Variants in EXOSC7 observed in about 807,000 individuals in gnomAD.
EXOSC7 encodes exosome complex component RRP42.
A neutral mutation model predicts 34.3 loss-of-function variants in EXOSC7; 25 were observed. That is an observed-to-expected ratio of 0.73 (90% CI 0.53 to 1.02). The LOEUF (loss-of-function observed/expected upper bound fraction) is 1.02, where lower values mean the gene tolerates loss of function less well. Ranked by LOEUF, EXOSC7 falls within the 50% of genes least tolerant of loss-of-function variation. The probability of loss-of-function intolerance (pLI) is 0.00; values close to 1 mark genes in which losing one functional copy is unlikely to be tolerated. For missense variants in EXOSC7, 370 were observed against 368.5 expected (o/e 1.00, Z -0.03); for synonymous variants, 130 against 143.0 (o/e 0.91, Z 0.65).
At chr3:44,981,416 G>A (rs1447902366) in intron 1 of EXOSC7, among the ~76,000 whole-genome samples, 1 of 152,174 alleles carries the variant, frequency 6.6e-6, no homozygotes, top group Non-Finnish European at 1.5e-5. Flanking sequence ...GATGAGATAA[G>A]AGATGTCAAG....
chr3:44,982,330 T>G (rs1706295038), intron 1 of EXOSC7, among the ~76,000 whole-genome samples: 1 of 152,190 alleles, frequency 6.6e-6, no homozygotes, highest in African/African-American at 2.4e-5. Flanking sequence ...TCCTGGCTGT[T>G]GGGGATGGAT....
rs150527285 is a variant in EXOSC7, at chr3:45,002,435, A to G, written c.491+827A>G. ...TAGAATAAACATTACACTGCTTTGT[A>G]ATGGTAAGAAACTGGAAACAACCTG... On this transcript the variant is annotated intron_variant, in intron 5 of 7. Transcript: ENST00000265564. 5.9e-3 allele frequency among the ~76,000 whole-genome samples: 892 copies of G among 152,258 alleles called. 11 individuals are homozygous for G. The highest frequency in any genetic ancestry group is 0.02 in the African/African-American group (849 of 41,550).
At chr3:44,983,331 G>C (rs1706323144) in intron 1 of EXOSC7, among the ~76,000 whole-genome samples, 1 of 152,106 alleles carries the variant, frequency 6.6e-6, no homozygotes. Context: ...AACTGCTTTG[G>C]GGGGACTCCT....
At chr3:45,010,556 G>GT (rs907252988) in intron 7 of EXOSC7, among the ~76,000 whole-genome samples, 3 of 152,096 alleles carry the variant, frequency 2.0e-5, no homozygotes, top group Non-Finnish European at 2.9e-5. Context: ...GCCATATTGA[G>GT]TTTTTTTGTT....
intron 4 of EXOSC7, 94 bp from the exon 5 acceptor site, chr3:45,001,444 A>C: frequency 1.2e-6 from 1 of 835,408 alleles, no homozygotes; most frequent in Non-Finnish European, 1.9e-6. Context: ...CTCTGTCTCA[A>C]AAAAAAAAAA....
intron 7 of EXOSC7, 143 bp from the exon 8 acceptor site, chr3:45,011,092 G>T: frequency 1.6e-5 from 7 of 426,264 alleles, no homozygotes; most frequent in Non-Finnish European, 2.1e-5. Flanking sequence ...GTTTTAATTT[G>T]CTTTAATTAA....
chr3:44,989,516 T>C (rs978041578), intron 2 of EXOSC7, 34 bp from the exon 3 acceptor site: 2 of 1,544,452 alleles, frequency 1.3e-6, no homozygotes, highest in African/African-American at 2.7e-5. Context: ...GGCTGCATAC[T>C]CTGAGTGAGG....
chr3:44,992,220 T>C (rs1576011255), intron 3 of EXOSC7, among the ~76,000 whole-genome samples: 1 of 152,322 alleles, frequency 6.6e-6, no homozygotes, highest in African/African-American at 2.4e-5. Context: ...CATTTGCCTA[T>C]CCACAGGCTG....
intron 1 of EXOSC7, among the ~76,000 whole-genome samples, chr3:44,984,069 T>G (rs1706344514): frequency 6.6e-6 from 1 of 152,238 alleles, no homozygotes. Context: ...GGAAAAGCAG[T>G]ATCTGATGAG....
chr3:45,001,735 T>C (rs1706887501), intron 5 of EXOSC7, 127 bp downstream of exon 5: 1 of 702,914 alleles, frequency 1.4e-6, no homozygotes, highest in Non-Finnish European at 2.5e-6. Context: ...ACATTGAAAA[T>C]GGTGACATCT....
intron 1 of EXOSC7, among the ~76,000 whole-genome samples, chr3:44,978,242 T>C (rs986593408): frequency 6.6e-6 from 1 of 152,232 alleles, no homozygotes; most frequent in African/African-American, 2.4e-5. Flanking sequence ...GAGGATTGCT[T>C]GAGCCTAGGA....
chr3:45,005,459 G>A (rs771353154), intron 6 of EXOSC7, 45 bp downstream of exon 6: 14 of 1,600,758 alleles, frequency 8.7e-6, no homozygotes, highest in Non-Finnish European at 1.1e-5. Context: ...GTGGGTGTGG[G>A]TCTCCTCTAA....
At chr3:44,985,740 A>G (rs892566199) in intron 1 of EXOSC7, among the ~76,000 whole-genome samples, 3 of 152,198 alleles carry the variant, frequency 2.0e-5, no homozygotes, top group Non-Finnish European at 4.4e-5. Flanking sequence ...GCGGGTTGCC[A>G]CTGCTGGCTC....
chr3:45,001,648 AC>A, intron 5 of EXOSC7, 40 bp downstream of exon 5: 1 of 1,384,072 alleles, frequency 7.2e-7, no homozygotes, highest in Non-Finnish European at 1.0e-6. Context: ...CCTGTGGAGA[AC>A]CAGAGCAGAC....
intron 4 of EXOSC7, among the ~76,000 whole-genome samples, chr3:44,997,949 A>G (rs1261309251): frequency 6.6e-6 from 1 of 151,648 alleles, no homozygotes; most frequent in Non-Finnish European, 1.5e-5. Context: ...CTTCCCTTGT[A>G]CTTTGCCTCC....
chr3:44,989,325 G>C, intron 2 of EXOSC7, 84 bp downstream of exon 2: 1 of 1,106,794 alleles, frequency 9.0e-7, no homozygotes, highest in Non-Finnish European at 1.4e-6. Context: ...TCTGGCTTTT[G>C]GAATGCAAAT....
chr3:45,003,050 GA>G (rs1706923622), intron 5 of EXOSC7, among the ~76,000 whole-genome samples: 1 of 152,208 alleles, frequency 6.6e-6, no homozygotes, highest in African/African-American at 2.4e-5. Flanking sequence ...AGCTGTGGGG[GA>G]GTTGCTGGCC....
In EXOSC7 at chr3:44,994,216, A is replaced by G. The variant is rs560210680; in HGVS notation, c.255-2871A>G. Among the ~76,000 whole-genome samples, 10 of 151,330 alleles carry G rather than the reference A, an allele frequency of 6.6e-5. No individual in the cohort carries two copies. The East Asian group carries it at 2.0e-3, about 30-fold the overall frequency. ...AATGAGTTAATACACCTAAAGTACT[A>G]AGAGTGGTGTCTAGCTCATGCTAAA... On this transcript the variant is annotated intron_variant, in intron 3 of 7. Transcript: ENST00000265564.
chr3:44,986,124 C>T (rs1053083725), intron 1 of EXOSC7, among the ~76,000 whole-genome samples: 3 of 151,546 alleles, frequency 2.0e-5, no homozygotes, highest in East Asian at 2.0e-4. Context: ...CCGCATTCCT[C>T]AGCCCTTGGG....
Sources: gnomAD v4.1 joint callset for allele counts (sites outside exome capture counted in the v4.1 genomes callset) on GRCh38, gnomAD v4.1.1 for gene constraint, MANE v1.5 for transcripts, NCBI Gene and HGNC (gene_info 2026-07-23, HGNC 2026-07-21) for gene names.